The following DNM1 variants were observed in gnomAD, a reference collection of about 807,000 sequenced individuals.
DNM1 encodes dynamin-1.
A neutral mutation model predicts 104.6 loss-of-function variants in DNM1; 29 were observed. The ratio of observed to expected loss-of-function variants is 0.28; its 90% CI spans 0.21 to 0.38. The LOEUF (loss-of-function observed/expected upper bound fraction) is 0.38. Ranked by LOEUF, DNM1 falls within the 10% of genes least tolerant of loss-of-function variation. DNM1 has a pLI of 1.00. For synonymous variants in DNM1, 445 were observed against 475.8 expected, an observed-to-expected ratio of 0.94 and a Z score of 0.84; for missense variants, 640 against 1,189.4, an observed-to-expected ratio of 0.54 and a Z score of 6.79.
intron 10 of DNM1, among the ~76,000 whole-genome samples, chr9:128,232,392 G>C (rs1835751250): frequency 6.6e-6 from 1 of 152,142 alleles, no homozygotes; most frequent in Non-Finnish European, 1.5e-5. Flanking sequence ...CCCTCCCTCA[G>C]GTCTCCTGAG....
chr9:128,239,852 C>T, intron 13 of DNM1, 73 bp downstream of exon 13: 1 of 1,575,246 alleles, frequency 6.3e-7, no homozygotes, highest in Non-Finnish European at 8.7e-7. Context: ...AGAGCCCCCT[C>T]CCCTGAGGGG....
chr9:128,227,009 CTTTT>C (rs369464140), intron 10 of DNM1, among the ~76,000 whole-genome samples: 8 of 101,770 alleles, frequency 7.9e-5, no homozygotes, highest in Admixed American at 5.2e-4. Context: ...ATCTCCATTC[CTTTT>C]TTTTTTTTTT....
At chr9:128,221,636 C>CT (rs1835027300) in intron 6 of DNM1, among the ~76,000 whole-genome samples, 1 of 152,156 alleles carries the variant, frequency 6.6e-6, no homozygotes, top group South Asian at 2.1e-4. Flanking sequence ...TGGTTCATGC[C>CT]TGTAATCCCA....
intron 11 of DNM1, among the ~76,000 whole-genome samples, chr9:128,236,747 G>A (rs1489317842): frequency 6.6e-6 from 1 of 152,194 alleles, no homozygotes; most frequent in Non-Finnish European, 1.5e-5. Flanking sequence ...AGCTACATGG[G>A]AGGCTGAGGT....
chr9:128,218,575 G>A lies in DNM1; in HGVS notation c.236-7G>A. On this transcript the variant is annotated splice_polypyrimidine_tract_variant and splice_region_variant and intron_variant, in intron 2 of 21. Transcript: ENST00000372923. The surrounding 1 kb of genome is among the most constrained non-coding windows in gnomAD (Gnocchi z 4.8). The stretch of plus-strand genomic sequence containing the variant: ...TACTGCCCTTCCCCTGCCCGCTTCT[G>A]GAGCAGAATATGCCGAGTTCCTGCA... The A allele has an allele frequency of 1.2e-6, 2 of 1,606,444 alleles. No individual in the cohort carries two copies. Among genetic ancestry groups the A allele is most frequent in the Non-Finnish European group, 1.7e-6 (2 of 1,174,496 alleles).
Position 128,243,941 on chromosome 9 carries a change from TTGTGTG to T in DNM1, c.1671+1619_1671+1624del, listed in dbSNP as rs34446611. On this transcript the variant is annotated intron_variant, in intron 15 of 21. Coordinates refer to ENST00000372923, the MANE Select transcript of DNM1 (RefSeq NM_004408.4). This position sits in a 1 kb window ranked among gnomAD's most constrained non-coding sequence, Gnocchi z 4.0. ...GTGGGTGCTGGGAGGCGGGGTGTGT[TTGTGTG>T]TGTGTGTGTGTGTGTGTGTGTGGCT... 1.9e-3 allele frequency among the ~76,000 whole-genome samples: 271 copies of T among 143,824 alleles called. 2 individuals are homozygous for T. The highest frequency in any genetic ancestry group is 6.3e-3 in the African/African-American group (248 of 39,532). The allele number at this position is 143,824 out of a possible 152,430, so 94.4% of individuals were successfully genotyped here.
Position 128,243,897 on chromosome 9 carries a change from T to C in DNM1, c.1671+1552T>C, listed in dbSNP as rs1377143124. ...GCTCTGAGAATCATATGTGGGGAGA[T>C]GGGAGTCAGCTGTGGGCTGTGGGTG... On this transcript the variant is annotated intron_variant, in intron 15 of 21. Transcript: ENST00000372923. This position sits in a 1 kb window ranked among gnomAD's most constrained non-coding sequence, Gnocchi z 4.0. 6.6e-6 allele frequency among the ~76,000 whole-genome samples: 1 copy of C among 151,258 alleles called. No individual in the cohort carries two copies. The highest frequency in any genetic ancestry group is 1.5e-5 in the Non-Finnish European group (1 of 67,806).
chr9:128,249,990 C>G, intron 19 of DNM1, 125 bp from the exon 20 acceptor site: 1 of 1,395,578 alleles, frequency 7.2e-7, no homozygotes, highest in Non-Finnish European at 1.0e-6. Flanking sequence ...ATCTTCCAGT[C>G]TACGCAGTGT....
chr9:128,231,922 G>C (rs1054403655), intron 10 of DNM1: 5 of 442,748 alleles, frequency 1.1e-5, no homozygotes, highest in Admixed American at 9.9e-5. Context: ...CTGCTAACCC[G>C]GTGGGCTCCA....
Position 128,253,203 on chromosome 9 carries a change from G to A in DNM1, c.2535-1451G>A, listed in dbSNP as rs559207382. The A allele has an allele frequency of 1.5e-4, 222 of 1,522,216 alleles. 2 individuals carry two copies. In the South Asian group the frequency reaches 2.2e-3, roughly 15 times the overall value. The allele number at this position is 1,522,216 out of a possible 1,614,324, so 94.3% of individuals were successfully genotyped here. ...CTGCCCCGCTGCACTAGCTCCACAC[G>A]GGGCGCGCACCTGGGACCTCAGAGC... On this transcript the variant is annotated intron_variant, in intron 21 of 21. Transcript: ENST00000372923. The surrounding 1 kb of genome is among the most constrained non-coding windows in gnomAD (Gnocchi z 5.9).
intron 16 of DNM1, chr9:128,246,803 T>G: frequency 5.2e-6 from 2 of 385,814 alleles, no homozygotes; most frequent in East Asian, 5.4e-5. Context: ...TCCCCTTCCC[T>G]CCCTCCCTCC....
chr9:128,244,635 C>T, intron 15 of DNM1: 1 of 414,252 alleles, frequency 2.4e-6, no homozygotes, highest in Non-Finnish European at 5.2e-6. Context: ...TCCTCCCAGC[C>T]CGCCCTGTGC....
rs761719876 is a variant in DNM1 at position 128,253,125 on chromosome 9, A to G, written c.2535-1529A>G. ...GAATCACTATCAGTGACCCCTGAGG[A>G]GCGTCAGCCATGGTAGGTACATGCC... On this transcript the variant is annotated intron_variant, in intron 21 of 21. Transcript: ENST00000372923. The surrounding 1 kb of genome is among the most constrained non-coding windows in gnomAD (Gnocchi z 5.9). 5 of 1,607,702 alleles carry G rather than the reference A, an allele frequency of 3.1e-6. No individual in the cohort carries two copies. Among genetic ancestry groups the G allele is most frequent in the Non-Finnish European group, 4.2e-6 (5 of 1,179,926 alleles).
Position 128,254,644 on chromosome 9 carries a change from C to G in DNM1, c.2535-10C>G, listed in dbSNP as rs754669281. 6.3e-7 allele frequency: 1 copy of G among 1,596,332 alleles called. No homozygotes were observed. The highest frequency in any genetic ancestry group is 2.2e-5 in the East Asian group (1 of 44,868). The stretch of plus-strand genomic sequence containing the variant: ...TCCCGTTTTCTCTCTGCTTTCTCTC[C>G]AACTGCCAGCCGATCGGGTCAGGCA... On this transcript the variant is annotated splice_polypyrimidine_tract_variant and intron_variant, in intron 21 of 21. Transcript: ENST00000372923. This position sits in a 1 kb window ranked among gnomAD's most constrained non-coding sequence, Gnocchi z 6.1.
rs140950284 is a variant in DNM1 at position 128,220,742 on chromosome 9, C to CGTGTGTGTGTGTGTGTGT, written c.849+410_849+427dup. Among the ~76,000 whole-genome samples, 32 of 136,358 alleles carry CGTGTGTGTGTGTGTGTGT rather than the reference C, an allele frequency of 2.3e-4. No homozygotes were observed. Among genetic ancestry groups the CGTGTGTGTGTGTGTGTGT allele is most frequent in the African/African-American group, 5.3e-4 (20 of 37,804 alleles). The allele number at this position is 136,358 out of a possible 152,430, so 89.5% of individuals were successfully genotyped here. Reference sequence around the variant, plus strand: ...CAGAACTGAAGTGCGCGCGCGCGCGCGTGTGTGTGTGTGTGTGTGTGTGTG... The same window carrying CGTGTGTGTGTGTGTGTGT: ...CAGAACTGAAGTGCGCGCGCGCGCGCGTGTGTGTGTGTGTGTGTGTGTGTGTGTGTGTGTGTGTGTGTG... On this transcript the variant is annotated intron_variant, in intron 6 of 21. Transcript: ENST00000372923. The surrounding 1 kb of genome is among the most constrained non-coding windows in gnomAD (Gnocchi z 5.2).
intron 10 of DNM1, chr9:128,232,181 T>C (rs1835736407): frequency 2.5e-6 from 1 of 395,800 alleles, no homozygotes; most frequent in Non-Finnish European, 5.1e-6. Flanking sequence ...CCTCCCTCCT[T>C]CTCCCTGCTC....
In DNM1 at chr9:128,250,849, G is replaced by A; in HGVS notation, c.2443G>A (p.Val815Met). The part of the protein sequence containing the change: ...AGSALGGAPP[V>M]PSRPGASPDP... Reference sequence around the variant, plus strand: ...GTCCGCCCTGGGGGGGGCGCCCCCCGTGCCCTCCAGGCCGGGGGCTTCCCC... The same window carrying A: ...GTCCGCCCTGGGGGGGGCGCCCCCCATGCCCTCCAGGCCGGGGGCTTCCCC... The change falls in exon 21 of 22, where the codon GTG (valine) becomes ATG (methionine). Residue 815 changes from valine to methionine, a missense_variant. Coordinates refer to ENST00000372923, the MANE Select transcript of DNM1 (RefSeq NM_004408.4). 2 of 1,298,878 alleles carry A rather than the reference G, an allele frequency of 1.5e-6. No homozygotes were observed. Among genetic ancestry groups the A allele is most frequent in the South Asian group, 2.6e-5 (1 of 38,734 alleles). The allele number at this position is 1,298,878 out of a possible 1,614,324, so 80.5% of individuals were successfully genotyped here.
intron 10 of DNM1, chr9:128,225,994 G>C: frequency 6.2e-7 from 1 of 1,604,638 alleles, no homozygotes; most frequent in South Asian, 1.1e-5. Flanking sequence ...CCCCACCCAC[G>C]GCTGCTCCTC....
intron 10 of DNM1, among the ~76,000 whole-genome samples, chr9:128,225,128 T>C (rs1012347580): frequency 6.6e-6 from 1 of 152,084 alleles, no homozygotes; most frequent in African/African-American, 2.4e-5. Flanking sequence ...GTCACAGTAG[T>C]CAGGAGGTGG....
Sources: gnomAD v4.1 joint callset for allele counts (sites outside exome capture counted in the v4.1 genomes callset) on GRCh38, gnomAD v4.1.1 for gene constraint, Gnocchi (gnomAD v3.1) non-coding constraint, MANE v1.5 for transcripts, NCBI Gene and HGNC (gene_info 2026-07-23, HGNC 2026-07-21) for gene names.